RNGTT: variants seen among roughly 807,000 people sequenced by gnomAD.
RNGTT encodes the protein mRNA-capping enzyme.
A neutral mutation model predicts 79.3 loss-of-function variants in RNGTT; 33 were observed. That is an observed-to-expected ratio of 0.42 (90% CI 0.32 to 0.56). The LOEUF (loss-of-function observed/expected upper bound fraction) is 0.56, where lower values mean the gene tolerates loss of function less well. Ranked by LOEUF, RNGTT falls within the 20% of genes least tolerant of loss-of-function variation. The pLI is 0.17. For missense variants in RNGTT, 497 were observed against 739.1 expected, an observed-to-expected ratio of 0.67 and a Z score of 3.80; for synonymous variants, 222 against 235.9, an observed-to-expected ratio of 0.94 and a Z score of 0.54.
intron 12 of RNGTT, among the ~76,000 whole-genome samples, chr6:88,793,743 C>T (rs1043536043): frequency 6.6e-6 from 1 of 152,060 alleles, no homozygotes; most frequent in African/African-American, 2.4e-5. Flanking sequence ...TTGCAGTGAG[C>T]CAAGTCTGCG....
At chr6:88,758,627 T>C (rs1286782538) in intron 13 of RNGTT, among the ~76,000 whole-genome samples, 1 of 152,224 alleles carries the variant, frequency 6.6e-6, no homozygotes, top group Non-Finnish European at 1.5e-5. Flanking sequence ...TAGATACCCA[T>C]AGTCAGAATG....
chr6:88,867,762 C>T (rs1370342944), intron 8 of RNGTT, among the ~76,000 whole-genome samples: 1 of 152,158 alleles, frequency 6.6e-6, no homozygotes, highest in Non-Finnish European at 1.5e-5. Flanking sequence ...CTAATTTTCA[C>T]ATTTTATATT....
At chr6:88,753,772 T>TA (rs1412390514) in intron 13 of RNGTT, among the ~76,000 whole-genome samples, 1 of 151,996 alleles carries the variant, frequency 6.6e-6, no homozygotes, top group Non-Finnish European at 1.5e-5. Context: ...TGATTTTATC[T>TA]AAAATCATAG....
intron 2 of RNGTT, among the ~76,000 whole-genome samples, chr6:88,937,069 A>G (rs1045629661): frequency 5.9e-5 from 9 of 152,238 alleles, no homozygotes; most frequent in African/African-American, 2.2e-4. Flanking sequence ...TGGGCCAGGC[A>G]CGGTGGCTCA....
intron 13 of RNGTT, among the ~76,000 whole-genome samples, chr6:88,715,304 T>C (rs907331998): frequency 2.0e-4 from 31 of 152,072 alleles, no homozygotes; most frequent in African/African-American, 7.5e-4. Context: ...CACTGCTCAA[T>C]GAAATAAAAG....
At chr6:88,935,014 G>A (rs556710832) in intron 2 of RNGTT, among the ~76,000 whole-genome samples, 22 of 152,218 alleles carry the variant, frequency 1.4e-4, no homozygotes, top group South Asian at 1.0e-3. Flanking sequence ...AATGTCCCAC[G>A]GTGTTTTCCC....
At chr6:88,816,922 A>T (rs1180339444) in intron 11 of RNGTT, among the ~76,000 whole-genome samples, 3 of 152,164 alleles carry the variant, frequency 2.0e-5, no homozygotes, top group South Asian at 4.1e-4. Context: ...AGAGATTCTC[A>T]TTATTTCCAA....
chr6:88,694,425 A>G (rs1353524838), intron 13 of RNGTT, among the ~76,000 whole-genome samples: 3 of 152,142 alleles, frequency 2.0e-5, no homozygotes, highest in Non-Finnish European at 4.4e-5. Flanking sequence ...AAAAATTATA[A>G]AACACTGATG....
At chr6:88,775,009 T>C (rs1778826804) in intron 12 of RNGTT, among the ~76,000 whole-genome samples, 1 of 152,196 alleles carries the variant, frequency 6.6e-6, no homozygotes, top group South Asian at 2.1e-4. Flanking sequence ...ATGTATATAA[T>C]ATGTAAATAT....
At chr6:88,900,971 G>C (rs2127940341) in intron 6 of RNGTT, among the ~76,000 whole-genome samples, 1 of 151,758 alleles carries the variant, frequency 6.6e-6, no homozygotes, top group East Asian at 1.9e-4. Context: ...GTGAAACCCT[G>C]TCTCTACTAA....
intron 8 of RNGTT, among the ~76,000 whole-genome samples, chr6:88,886,343 G>A (rs1191368932): frequency 6.6e-6 from 1 of 152,080 alleles, no homozygotes; most frequent in African/African-American, 2.4e-5. Context: ...GAAGAGACAT[G>A]GCAACCTAAT....
chr6:88,849,001 C>G (rs1209216527), intron 10 of RNGTT, among the ~76,000 whole-genome samples: 1 of 151,872 alleles, frequency 6.6e-6, no homozygotes, highest in African/African-American at 2.4e-5. Context: ...AGAGTAAGCC[C>G]AGACTGAACA....
chr6:88,799,700 CAAAA>C (rs36033019), intron 12 of RNGTT, among the ~76,000 whole-genome samples: 7 of 46,256 alleles, frequency 1.5e-4, no homozygotes, highest in Non-Finnish European at 3.0e-4. Flanking sequence ...AACTCCATCT[CAAAA>C]AAAAAAAAAA....
In RNGTT at chr6:88,651,615, AG is replaced by A. The variant is rs1386077955; in HGVS notation, c.1506+26737del. ...TTATAAAATGCTGACAAAGAAAAAA[AG>A]GATCAGATTTCCAAAAATATATCAA... On this transcript the variant is annotated intron_variant, in intron 14 of 15. Transcript: ENST00000369485. Among the ~76,000 whole-genome samples, 6 of 152,202 alleles carry A rather than the reference AG, an allele frequency of 3.9e-5. No individual in the cohort carries two copies. The East Asian group carries it at 5.8e-4, about 15-fold the overall frequency.
chr6:88,680,557 C>T (rs1408972489), intron 13 of RNGTT, among the ~76,000 whole-genome samples: 2 of 151,706 alleles, frequency 1.3e-5, no homozygotes, highest in East Asian at 1.9e-4. Flanking sequence ...GCCTGACCAA[C>T]ATGGAGAAAC....
intron 1 of RNGTT, among the ~76,000 whole-genome samples, chr6:88,949,596 A>G (rs919095992): frequency 1.3e-5 from 2 of 152,126 alleles, no homozygotes; most frequent in Non-Finnish European, 2.9e-5. Flanking sequence ...ATATGGAGAA[A>G]ATTTCAGTGG....
At chr6:88,900,860 G>A (rs1001017408) in intron 6 of RNGTT, among the ~76,000 whole-genome samples, 1 of 151,186 alleles carries the variant, frequency 6.6e-6, no homozygotes, top group Non-Finnish European at 1.5e-5. Context: ...AAAAATTTTA[G>A]GCCAGGCACG....
chr6:88,699,149 GT>G (rs1307580036), intron 13 of RNGTT, among the ~76,000 whole-genome samples: 2 of 152,150 alleles, frequency 1.3e-5, no homozygotes, highest in Non-Finnish European at 2.9e-5. Flanking sequence ...TTCTGAAGCA[GT>G]TTATGGTCAT....
chr6:88,651,110 T>TAA (rs555706218), intron 14 of RNGTT, among the ~76,000 whole-genome samples: 1 of 148,508 alleles, frequency 6.7e-6, no homozygotes, highest in Non-Finnish European at 1.5e-5. Flanking sequence ...CTTTTTATGT[T>TAA]AAAAAAAAAA....
Sources: allele counts gnomAD v4.1 joint callset (sites outside exome capture counted in the v4.1 genomes callset), GRCh38; gene constraint gnomAD v4.1.1; transcripts MANE v1.5; gene names NCBI Gene and HGNC (gene_info 2026-07-23, HGNC 2026-07-21).